The following PLXNC1 variants were observed in gnomAD, a reference collection of about 807,000 sequenced individuals.
The protein encoded by PLXNC1 is plexin C1.
In PLXNC1, 75 loss-of-function variants were observed where a neutral mutation model predicts 178.2. The ratio of observed to expected loss-of-function variants is 0.42; its 90% confidence interval spans 0.35 to 0.51. PLXNC1 has a LOEUF of 0.51. PLXNC1 is among the 20% of genes least tolerant of loss of function. The probability of loss-of-function intolerance (pLI) is 0.02; values close to 1 mark genes in which losing one functional copy is unlikely to be tolerated. For missense variants in PLXNC1, 1,503 were observed against 1,984.4 expected (o/e 0.76, Z 4.61); for synonymous variants, 790 against 779.9 (o/e 1.01, Z -0.22).
intron 1 of PLXNC1, among the ~76,000 whole-genome samples, chr12:94,159,221 C>T (rs1441661901): frequency 6.6e-6 from 1 of 152,150 alleles, no homozygotes; most frequent in East Asian, 1.9e-4. Context: ...TTACAGCTCA[C>T]CTACTGTATA....
intron 15 of PLXNC1, among the ~76,000 whole-genome samples, chr12:94,253,961 AAGCCCC>A (rs75443650): frequency 0.18 from 27,394 of 152,156 alleles, 2,807 homozygotes; most frequent in South Asian, 0.31. Context: ...TTACAGACGT[AAGCCCC>A]CGCACCTGGC....
At chr12:94,174,393 G>A (rs997251164) in intron 2 of PLXNC1, among the ~76,000 whole-genome samples, 9 of 151,942 alleles carry the variant, frequency 5.9e-5, no homozygotes, top group African/African-American at 2.2e-4. Flanking sequence ...GCCCAGGCTG[G>A]TCTCAAACTC....
At chr12:94,178,829 A>G (rs1193618284) in intron 2 of PLXNC1, among the ~76,000 whole-genome samples, 2 of 152,226 alleles carry the variant, frequency 1.3e-5, no homozygotes, top group African/African-American at 4.8e-5. Context: ...GTGCAGCTAT[A>G]AAGTCGTTTT....
intron 17 of PLXNC1, among the ~76,000 whole-genome samples, chr12:94,257,847 C>CA (rs1348074585): frequency 1.3e-5 from 2 of 152,014 alleles, no homozygotes; most frequent in Non-Finnish European, 2.9e-5. Flanking sequence ...GCGGAGCTTG[C>CA]AGTGAGCCGA....
chr12:94,191,179 C>T (rs1962707065), intron 4 of PLXNC1, among the ~76,000 whole-genome samples: 1 of 152,210 alleles, frequency 6.6e-6, no homozygotes, highest in Non-Finnish European at 1.5e-5. Flanking sequence ...TGGCCCTTCA[C>T]AGCCATGTCA....
intron 4 of PLXNC1, among the ~76,000 whole-genome samples, chr12:94,191,782 G>A (rs375935691): frequency 7.1e-6 from 1 of 140,882 alleles, no homozygotes; most frequent in Non-Finnish European, 1.6e-5. Context: ...AAAAAAAAAG[G>A]GAATAGGCAT....
At chr12:94,159,848 TG>T (rs1961313278) in intron 1 of PLXNC1, among the ~76,000 whole-genome samples, 1 of 152,074 alleles carries the variant, frequency 6.6e-6, no homozygotes, top group African/African-American at 2.4e-5. Context: ...CCACGAGCAG[TG>T]GTGACAAATA....
chr12:94,214,901 ATTT>A (rs143919928), intron 5 of PLXNC1, among the ~76,000 whole-genome samples: 1 of 147,262 alleles, frequency 6.8e-6, no homozygotes, highest in African/African-American at 2.5e-5. Context: ...TATTAAGGCT[ATTT>A]TTTTTTTTTG....
intron 21 of PLXNC1, 54 bp downstream of exon 21, chr12:94,265,279 T>C (rs1965173553): frequency 6.5e-7 from 1 of 1,528,972 alleles, no homozygotes; most frequent in Admixed American, 1.8e-5. Flanking sequence ...TGGCGGGGAA[T>C]TAGAGGGTGA....
chr12:94,290,580 C>G (rs1038138401), intron 23 of PLXNC1, among the ~76,000 whole-genome samples: 1 of 152,218 alleles, frequency 6.6e-6, no homozygotes, highest in Non-Finnish European at 1.5e-5. Flanking sequence ...CTAAACTTAG[C>G]GGCTGGCTGG....
intron 6 of PLXNC1, among the ~76,000 whole-genome samples, chr12:94,222,587 C>T (rs1345148979): frequency 6.6e-6 from 1 of 152,186 alleles, no homozygotes; most frequent in Non-Finnish European, 1.5e-5. Context: ...TGGTTGTTTC[C>T]TTGACTGTGC....
intron 12 of PLXNC1, among the ~76,000 whole-genome samples, chr12:94,247,203 C>T (rs543845780): frequency 1.4e-3 from 218 of 152,304 alleles, no homozygotes; most frequent in African/African-American, 4.9e-3. Context: ...TGAGCCACTA[C>T]GCCCAGCCTA....
intron 23 of PLXNC1, among the ~76,000 whole-genome samples, chr12:94,282,625 A>G (rs1165859298): frequency 6.6e-6 from 1 of 152,160 alleles, no homozygotes; most frequent in East Asian, 1.9e-4. Context: ...ATGATTTTCT[A>G]TCTCCTGAAC....
At chr12:94,190,088 A>G (rs1420492638) in intron 4 of PLXNC1, among the ~76,000 whole-genome samples, 2 of 152,154 alleles carry the variant, frequency 1.3e-5, no homozygotes, top group African/African-American at 4.8e-5. Context: ...GGACAGCTAG[A>G]TGAGGGAGAG....
intron 22 of PLXNC1, 62 bp downstream of exon 22, chr12:94,279,711 TCCCTCCCTGTCCC>T (rs1158319469): frequency 1.5e-6 from 2 of 1,366,924 alleles, no homozygotes; most frequent in African/African-American, 1.6e-5. Flanking sequence ...CTGCCTGCCC[TCCCTCCCTGTCCC>T]CCCTCCCTGC....
At chr12:94,155,759 G>A (rs181076484) in intron 1 of PLXNC1, among the ~76,000 whole-genome samples, 183 of 152,268 alleles carry the variant, frequency 1.2e-3, no homozygotes, top group African/African-American at 4.3e-3. Flanking sequence ...GTCTAGAGTC[G>A]TCTATTGTGC....
At chr12:94,266,652 C>T (rs1267874593) in intron 21 of PLXNC1, among the ~76,000 whole-genome samples, 1 of 152,228 alleles carries the variant, frequency 6.6e-6, no homozygotes, top group Non-Finnish European at 1.5e-5. Context: ...GCCTCTGCCA[C>T]TGGTTAGCTG....
chr12:94,292,012 G>A (rs1236379657), intron 23 of PLXNC1, among the ~76,000 whole-genome samples: 2 of 152,038 alleles, frequency 1.3e-5, no homozygotes, highest in Admixed American at 6.5e-5. Context: ...TGGCTTCTTC[G>A]CGTGTTTTTG....
chr12:94,259,754 T>C lies in PLXNC1; in HGVS notation c.3251+20T>C. The C allele has an allele frequency of 6.3e-7, 1 of 1,579,716 alleles. No homozygotes were observed. Among genetic ancestry groups the C allele is most frequent in the Non-Finnish European group, 8.6e-7 (1 of 1,166,294 alleles). The stretch of plus-strand genomic sequence containing the variant: ...GGACAGGTATTAGTCCATTCTTTGA[T>C]GTTTTAAAAGCCTTTAAGAAAAAAT... On this transcript the variant is annotated intron_variant, in intron 19 of 30. Transcript: ENST00000258526.
Sources: allele counts gnomAD v4.1 joint callset (sites outside exome capture counted in the v4.1 genomes callset), GRCh38; gene constraint gnomAD v4.1.1; transcripts MANE v1.5; gene names NCBI Gene and HGNC (gene_info 2026-07-23, HGNC 2026-07-21).